Variants in CLK2 observed in about 807,000 individuals in gnomAD.
The protein encoded by CLK2 is CDC like kinase 2, also known as dual specificity protein kinase CLK2.
A neutral mutation model predicts 73.5 loss-of-function variants in CLK2; 12 were observed. That is an observed-to-expected ratio of 0.16 (90% CI 0.10 to 0.26). The LOEUF (loss-of-function observed/expected upper bound fraction) is 0.26, where lower values mean the gene tolerates loss of function less well. CLK2 is among the 10% of genes least tolerant of loss of function. The probability of loss-of-function intolerance (pLI) is 1.00; values close to 1 mark genes in which losing one functional copy is unlikely to be tolerated. For synonymous variants in CLK2, 232 were observed against 237.9 expected (o/e 0.98, Z 0.23); for missense variants, 509 against 688.4 (o/e 0.74, Z 2.92).
chr1:155,268,648 G>T lies in CLK2; in HGVS notation c.487+60C>A. Reference sequence around the variant, plus strand: ...GAGGCTGTGACTCAGGTTGGCTTGGGACGTTAGGATGGCTATGGGACCATT... The same window carrying T: ...GAGGCTGTGACTCAGGTTGGCTTGGTACGTTAGGATGGCTATGGGACCATT... On this transcript the variant is annotated intron_variant, in intron 4 of 12. Coordinates refer to ENST00000368361, the MANE Select transcript of CLK2 (RefSeq NM_001294338.2). This position sits in a 1 kb window ranked among gnomAD's most constrained non-coding sequence, Gnocchi z 5.6. 2.0e-6 allele frequency: 3 copies of T among 1,486,042 alleles called. No individual in the cohort carries two copies. Among genetic ancestry groups the T allele is most frequent in the Non-Finnish European group, 2.8e-6 (3 of 1,063,500 alleles). 92.1% of individuals were successfully genotyped at this position (1,486,042 alleles called of 1,614,324 possible). A position where few individuals can be genotyped will look rare whatever the true frequency, so the allele number is the denominator to read the frequency against.
Position 155,268,814 on chromosome 1 carries a change from G to C in CLK2, c.400-19C>G. 6.2e-7 allele frequency: 1 copy of C among 1,601,160 alleles called. No homozygotes were observed. The highest frequency in any genetic ancestry group is 8.5e-7 in the Non-Finnish European group (1 of 1,172,430). ...TGTGCTGCTGTCGGGGGGCAGGGGGGGTCGGAGCAAGCCAGGTGTCGGAGC... is the reference window on the plus strand; with the variant it reads ...TGTGCTGCTGTCGGGGGGCAGGGGGCGTCGGAGCAAGCCAGGTGTCGGAGC... On this transcript the variant is annotated intron_variant, in intron 3 of 12. Coordinates refer to ENST00000368361, the MANE Select transcript of CLK2 (RefSeq NM_001294338.2). This position sits in a 1 kb window ranked among gnomAD's most constrained non-coding sequence, Gnocchi z 5.6.
In CLK2 at chr1:155,270,929, T is replaced by G. The variant is rs1673471451; in HGVS notation, c.49A>C (p.Ser17Arg). ...CGGCTCCGATAGTGTTCACGGTAAC[T>G]CCCCCGGCTGCCTCGCTCTGAGGAG... is the stretch of plus-strand genomic sequence containing the variant. ...YHSSERGSRG[S>R]YREHYRSRKH... The change falls in exon 2 of 13, where the codon AGT (serine) becomes CGT (arginine). Residue 17 changes from serine (S) to arginine (R), a missense_variant. Around this residue, in one of 6 missense-constraint regions of CLK2, gnomAD observed 222 missense variants for 221.7 expected, o/e 1.00. Transcript: ENST00000368361. 1 of 1,614,034 alleles carries G rather than the reference T, an allele frequency of 6.2e-7. No individual in the cohort carries two copies. The highest frequency in any genetic ancestry group is 8.5e-7 in the Non-Finnish European group (1 of 1,179,992).
In CLK2 at chr1:155,268,598, AAAC is replaced by A. The variant is rs1380839129; in HGVS notation, c.487+107_487+109del. On this transcript the variant is annotated intron_variant, in intron 4 of 12. Coordinates refer to ENST00000368361, the MANE Select transcript of CLK2 (RefSeq NM_001294338.2). This position sits in a 1 kb window ranked among gnomAD's most constrained non-coding sequence, Gnocchi z 5.6. ...CAACAGCAACTCAAACCACCCAGAT[AAAC>A]AACACCACTGAGAAAAGGCAAGAGG... The A allele has an allele frequency of 3.7e-6, 4 of 1,068,632 alleles. No individual in the cohort carries two copies. The highest frequency in any genetic ancestry group is 1.7e-5 in the Admixed American group (1 of 57,212). The allele number at this position is 1,068,632 out of a possible 1,614,324, so 66.2% of individuals were successfully genotyped here.
In CLK2 at chr1:155,268,627, C is replaced by T; in HGVS notation, c.487+81G>A. ...AACACCACTGAGAAAAGGCAAGAGG[C>T]TGTGACTCAGGTTGGCTTGGGACGT... On this transcript the variant is annotated intron_variant, in intron 4 of 12. Coordinates refer to ENST00000368361, the MANE Select transcript of CLK2 (RefSeq NM_001294338.2). This position sits in a 1 kb window ranked among gnomAD's most constrained non-coding sequence, Gnocchi z 5.6. 1 of 1,297,730 alleles carries T rather than the reference C, an allele frequency of 7.7e-7. No homozygotes were observed. Among genetic ancestry groups the T allele is most frequent in the Non-Finnish European group, 1.1e-6 (1 of 892,866 alleles). 80.4% of individuals were successfully genotyped at this position (1,297,730 alleles called of 1,614,324 possible).
Position 155,269,607 on chromosome 1 carries a change from C to A in CLK2, c.280G>T (p.Asp94Tyr), listed in dbSNP as rs768373002. ...RDRGDAYYDTDYRHSYEYQRE... is the reference protein window; with the variant it reads ...RDRGDAYYDTYYRHSYEYQRE... ...TGATATTCATAGGAATGCCGATAGT[C>A]TGTGTCATAGTAGGCATCTCCCCGA... Residue 94 changes from aspartate to tyrosine, a missense_variant, in exon 3 of 13, where the codon GAC (aspartate) becomes TAC (tyrosine). By Grantham distance (160) the Asp-to-Tyr change is radical (BLOSUM62 -3). Coordinates refer to ENST00000368361, the MANE Select transcript of CLK2 (RefSeq NM_001294338.2). The A allele has an allele frequency of 5.0e-6, 8 of 1,614,136 alleles. No homozygotes were observed. The Admixed American group carries it at 5.0e-5, about 10-fold the overall frequency.
Position 155,263,074 on chromosome 1 carries a change from A to T in CLK2, c.*144T>A. 1 of 743,632 alleles carries T rather than the reference A, an allele frequency of 1.3e-6. No homozygotes were observed. Among genetic ancestry groups the T allele is most frequent in the Non-Finnish European group, 2.1e-6 (1 of 470,282 alleles). 46.1% of individuals were successfully genotyped at this position (743,632 alleles called of 1,614,324 possible). ...GATAGGTACAAGTTCTTTCATATTT[A>T]CACTATTTCACATATTCACAGGTAT... On this transcript the variant is annotated 3_prime_UTR_variant, in exon 13 of 13. Transcript: ENST00000368361.
chr1:155,267,022 T>G lies in CLK2; in HGVS notation c.672-127A>C, dbSNP rs973164310. On this transcript the variant is annotated intron_variant, in intron 6 of 12. Coordinates refer to ENST00000368361, the MANE Select transcript of CLK2 (RefSeq NM_001294338.2). ...TGTGTAAAACCATGCCAGCTAGTAC[T>G]AACACCAAAATTCAGTTCAGCTAAG... 4 of 1,029,014 alleles carry G rather than the reference T, an allele frequency of 3.9e-6. No homozygotes were observed. In the African/African-American group the frequency reaches 6.7e-5, roughly 17 times the overall value. 63.7% of individuals were successfully genotyped at this position (1,029,014 alleles called of 1,614,324 possible). A position where few individuals can be genotyped will look rare whatever the true frequency, so the allele number is the denominator to read the frequency against.
Position 155,264,456 on chromosome 1 carries a change from C to T in CLK2, c.1146+12G>A. On this transcript the variant is annotated intron_variant, in intron 10 of 12. Transcript: ENST00000368361. The stretch of plus-strand genomic sequence containing the variant: ...AATGCCAGGCAGTCAAGTAAGACAT[C>T]CCATCACTTACCTGGAAGAGGGTGA... 6.2e-7 allele frequency: 1 copy of T among 1,613,330 alleles called. No homozygotes were observed. The highest frequency in any genetic ancestry group is 8.5e-7 in the Non-Finnish European group (1 of 1,179,272).
At chr1:155,264,345 GC>G in intron 10 of CLK2, 45 bp from the exon 11 acceptor site, 1 of 1,609,722 alleles carries the variant, frequency 6.2e-7, no homozygotes. Context: ...AAAAGGGCAT[GC>G]TAAGGATCAG....
chr1:155,270,829 C>A lies in CLK2; in HGVS notation c.149G>T (p.Ser50Ile). The A allele has an allele frequency of 6.2e-7, 1 of 1,611,390 alleles. No homozygotes were observed. The highest frequency in any genetic ancestry group is 8.5e-7 in the Non-Finnish European group (1 of 1,177,646). The part of the protein sequence containing the change: ...DRTRRRRRED[S>I]YHVRSRSSYD... ...TCACCTTCGAGAACGGACATGGTAG[C>A]TGTCCTCTCGCCGACGCCGTCGTGT... Residue 50 changes from serine (S) to isoleucine (I), a missense_variant, in exon 2 of 13, where the codon AGC (serine) becomes ATC (isoleucine). By Grantham distance (142) the Ser-to-Ile change is moderately radical. Coordinates refer to ENST00000368361, the MANE Select transcript of CLK2 (RefSeq NM_001294338.2).
At chr1:155,263,528 C>G in intron 12 of CLK2, 128 bp from the exon 13 acceptor site, 1 of 1,460,446 alleles carries the variant, frequency 6.8e-7, no homozygotes, top group Non-Finnish European at 9.0e-7. Flanking sequence ...TACCTAACCA[C>G]GACCACACCA....
Position 155,263,936 on chromosome 1 carries a change from C to T in CLK2, c.1317+14G>A, listed in dbSNP as rs377448536. 36 of 1,612,106 alleles carry T rather than the reference C, an allele frequency of 2.2e-5. No individual in the cohort carries two copies. Among genetic ancestry groups the T allele is most frequent in the African/African-American group, 4.0e-5 (3 of 74,850 alleles). On this transcript the variant is annotated intron_variant, in intron 12 of 12. Transcript: ENST00000368361. ...TCTGGACGGTGGGCACTATTTATCC[C>T]GAGCCCAGCTCACCCGCAGCGGTTT...
In CLK2 at chr1:155,267,965, G is replaced by A. The variant is rs1357987940; in HGVS notation, c.671+45C>T. On this transcript the variant is annotated intron_variant, in intron 6 of 12. Transcript: ENST00000368361. ...AGGTCTAGAAGTCTCTCCCGTGTAG[G>A]GGTTGGGGCTCTCAGCCTCCCTACA... The A allele has an allele frequency of 3.0e-6, 4 of 1,333,354 alleles. No homozygotes were observed. The East Asian group carries it at 9.2e-5, about 31-fold the overall frequency. 82.6% of individuals were successfully genotyped at this position (1,333,354 alleles called of 1,614,324 possible).
rs759554148 is a variant in CLK2, at chr1:155,263,973, G to A, written c.1294C>T (p.Arg432Cys). 5.3e-5 allele frequency: 86 copies of A among 1,613,992 alleles called. No homozygotes were observed. Among genetic ancestry groups the A allele is most frequent in the Non-Finnish European group, 6.7e-5 (79 of 1,180,010 alleles). ...DENTSAGRYVRENCKPLRRYL... is the reference protein window; with the variant it reads ...DENTSAGRYVCENCKPLRRYL... ...ACCCGCAGCGGTTTGCAGTTCTCACGAACATAGCGCCCAGCTGATGTGTTC... is the reference window on the plus strand; with the variant it reads ...ACCCGCAGCGGTTTGCAGTTCTCACAAACATAGCGCCCAGCTGATGTGTTC... The change falls in exon 12 of 13, where the codon CGT (arginine) becomes TGT (cysteine). Residue 432 changes from arginine to cysteine, a missense_variant. By Grantham distance (180) the Arg-to-Cys change is radical (BLOSUM62 -3). Transcript: ENST00000368361.
At chr1:155,266,490 G>A (rs1208175052) in intron 7 of CLK2, among the ~76,000 whole-genome samples, 1 of 152,248 alleles carries the variant, frequency 6.6e-6, no homozygotes, top group Non-Finnish European at 1.5e-5. Context: ...TAAGTGCTTT[G>A]ATTCCAAAGG....
At chr1:155,264,071 A>C (rs745931302) in intron 11 of CLK2, 31 bp from the exon 12 acceptor site, 2 of 1,591,226 alleles carry the variant, frequency 1.3e-6, no homozygotes, top group Admixed American at 3.3e-5. Flanking sequence ...GAGGAATCAG[A>C]AGGTCACCCT....
rs750136427 is a variant in CLK2 at position 155,268,260 on chromosome 1, A to C, written c.554+33T>G. On this transcript the variant is annotated intron_variant, in intron 5 of 12. Transcript: ENST00000368361. The surrounding 1 kb of genome is among the most constrained non-coding windows in gnomAD (Gnocchi z 5.6). The stretch of plus-strand genomic sequence containing the variant: ...CCCATATAACCCCAACCATCTCTTT[A>C]GCCCCACATAGTAGGGAGGGACTGA... 3 of 1,601,136 alleles carry C rather than the reference A, an allele frequency of 1.9e-6. No homozygotes were observed. In the South Asian group the frequency reaches 3.3e-5, roughly 18 times the overall value.
chr1:155,271,057 G>T, intron 1 of CLK2, 80 bp from the exon 2 acceptor site: 1 of 1,404,584 alleles, frequency 7.1e-7, no homozygotes, highest in Non-Finnish European at 1.0e-6. Flanking sequence ...CTCCAAAGAT[G>T]CTAAGCTGCT....
At chr1:155,267,677 T>C (rs1572016734) in intron 6 of CLK2, among the ~76,000 whole-genome samples, 1 of 152,256 alleles carries the variant, frequency 6.6e-6, no homozygotes, top group African/African-American at 2.4e-5. Context: ...CTTATCAGCA[T>C]AGTTCTACTT....
Sources: allele counts gnomAD v4.1 joint callset (sites outside exome capture counted in the v4.1 genomes callset), GRCh38; gene constraint gnomAD v4.1.1; regional missense constraint gnomAD v4.1.1; non-coding constraint Gnocchi (gnomAD v3.1); transcripts MANE v1.5; gene names NCBI Gene and HGNC (gene_info 2026-07-23, HGNC 2026-07-21).